Variants in ANKRD45 observed in about 807,000 individuals in gnomAD.
ANKRD45 encodes ankyrin repeat domain-containing protein 45.
ANKRD45 carries 21 observed loss-of-function variants against 28.1 expected under a neutral mutation model. The ratio of observed to expected loss-of-function variants is 0.75; its 90% confidence interval spans 0.53 to 1.08. The LOEUF is 1.08. Ranked by LOEUF, ANKRD45 falls within the 50% of genes least tolerant of loss-of-function variation. The pLI, the probability that ANKRD45 is intolerant of heterozygous loss-of-function variation, is 0.00. For synonymous variants in ANKRD45, 86 were observed against 103.9 expected, an observed-to-expected ratio of 0.83 and a Z score of 1.05; for missense variants, 261 against 308.7, an observed-to-expected ratio of 0.85 and a Z score of 1.16.
the ANKRD45 span, among the ~76,000 whole-genome samples, chr1:173,685,600 T>G: frequency 3.7e-4 from 57 of 152,186 alleles, 1 homozygote; most frequent in Admixed American, 2.0e-4. Context: ...GTATCCTAAT[T>G]GCCAAAGTTT....
intron 5 of ANKRD45, among the ~76,000 whole-genome samples, chr1:173,618,108 T>C (rs1011395651): frequency 2.0e-5 from 3 of 151,770 alleles, no homozygotes; most frequent in African/African-American, 7.3e-5. Context: ...AGCAGCAGCA[T>C]CAACAAAAAA....
At chr1:173,698,448 G>T in the ANKRD45 span, among the ~76,000 whole-genome samples, 5 of 152,116 alleles carry the variant, frequency 3.3e-5, no homozygotes, top group Non-Finnish European at 7.3e-5. Context: ...AAATGTAAAA[G>T]AACACAAATC....
intron 3 of ANKRD45, among the ~76,000 whole-genome samples, chr1:173,643,807 T>C (rs909003447): frequency 4.6e-5 from 7 of 152,154 alleles, no homozygotes; most frequent in African/African-American, 1.7e-4. Flanking sequence ...AAAAAACTTT[T>C]CAAAAATAAT....
chr1:173,626,282 T>C (rs530606102), intron 4 of ANKRD45, among the ~76,000 whole-genome samples: 1 of 152,282 alleles, frequency 6.6e-6, no homozygotes, highest in African/African-American at 2.4e-5. Context: ...CCAAAACACA[T>C]TTCTGATACC....
At chr1:173,616,840 T>C (rs934305677) in intron 5 of ANKRD45, among the ~76,000 whole-genome samples, 8 of 152,112 alleles carry the variant, frequency 5.3e-5, no homozygotes, top group Non-Finnish European at 8.8e-5. Context: ...GGTTCTTCCA[T>C]TGGGACTGAC....
chr1:173,647,695 G>A (rs542455740), intron 2 of ANKRD45, among the ~76,000 whole-genome samples: 112 of 152,232 alleles, frequency 7.4e-4, no homozygotes, highest in African/African-American at 2.6e-3. Flanking sequence ...TCACTTTATT[G>A]CACAGAGGGA....
At chr1:173,657,293 C>A in intron 2 of ANKRD45, 1 of 314,282 alleles carries the variant, frequency 3.2e-6, no homozygotes, top group Non-Finnish European at 6.5e-6. Context: ...GTGGCAAAAC[C>A]CCCTCTCCAC....
chr1:173,704,561 C>T, the ANKRD45 span, among the ~76,000 whole-genome samples: 9 of 152,232 alleles, frequency 5.9e-5, no homozygotes, highest in African/African-American at 1.4e-4. Flanking sequence ...ATCTGATCCA[C>T]TGAACCTACT....
At chr1:173,672,839 T>C (rs1274152326), upstream of ANKRD45, among the ~76,000 whole-genome samples, 1 of 152,112 alleles carries the variant, frequency 6.6e-6, no homozygotes, top group African/African-American at 2.4e-5. Flanking sequence ...GCCACTGGAT[T>C]TGAAGGGGCC....
intron 5 of ANKRD45, among the ~76,000 whole-genome samples, chr1:173,611,952 C>A (rs1273938503): frequency 6.6e-6 from 1 of 152,140 alleles, no homozygotes; most frequent in African/African-American, 2.4e-5. Context: ...ATCCAATCTA[C>A]AGGTGGCAAG....
intron 5 of ANKRD45, among the ~76,000 whole-genome samples, chr1:173,613,538 G>A (rs1476537572): frequency 2.8e-5 from 4 of 144,910 alleles, no homozygotes; most frequent in Admixed American, 6.7e-5. Context: ...CAGCCGCCCC[G>A]TCCGGGAGGG....
intron 3 of ANKRD45, among the ~76,000 whole-genome samples, chr1:173,627,658 G>A (rs1667995948): frequency 6.6e-6 from 1 of 152,136 alleles, no homozygotes. Flanking sequence ...ACAGGCTAAA[G>A]TGCTATGGGG....
chr1:173,688,454 A>C, the ANKRD45 span, among the ~76,000 whole-genome samples: 1,042 of 27,320 alleles, frequency 0.038, no homozygotes, highest in Admixed American at 0.072. Flanking sequence ...CTCTTCCTCT[A>C]CCTCTTCCTC....
At chr1:173,620,715 C>T (rs186029410) in intron 5 of ANKRD45, among the ~76,000 whole-genome samples, 79 of 151,532 alleles carry the variant, frequency 5.2e-4, no homozygotes, top group Admixed American at 4.5e-3. Context: ...GCACATTGTG[C>T]ACATGTACCC....
chr1:173,617,168 C>G (rs1667497304), intron 5 of ANKRD45, among the ~76,000 whole-genome samples: 1 of 152,074 alleles, frequency 6.6e-6, no homozygotes, highest in South Asian at 2.1e-4. Flanking sequence ...CACAGAGACC[C>G]AGGAGTTTTA....
chr1:173,692,262 C>T, the ANKRD45 span, among the ~76,000 whole-genome samples: 1 of 152,114 alleles, frequency 6.6e-6, no homozygotes, highest in African/African-American at 2.4e-5. Context: ...GGTCAGAGCA[C>T]AGTTTGGTTT....
In ANKRD45 at chr1:173,659,123, T is replaced by C; in HGVS notation, c.296A>G (p.Tyr99Cys). The C allele has an allele frequency of 6.2e-7, 1 of 1,614,074 alleles. No individual in the cohort carries two copies. Among genetic ancestry groups the C allele is most frequent in the Non-Finnish European group, 8.5e-7 (1 of 1,179,980 alleles). ...QSDVIRALAK[Y>C]GVNLNEKTTR... ...GGTTTTTTCATTCAGATTCACACCA[T>C]ATTTTGCCAAAGCTCTAATCACGTC... Residue 99 changes from tyrosine to cysteine, a missense_variant, in exon 2 of 6, where the codon TAT (tyrosine) becomes TGT (cysteine). Physicochemically the swap from Tyr to Cys is radical, Grantham distance 194 (BLOSUM62 -2). Coordinates refer to ENST00000333279, the MANE Select transcript of ANKRD45 (RefSeq NM_198493.3).
intron 2 of ANKRD45, among the ~76,000 whole-genome samples, chr1:173,653,001 G>A (rs945024572): frequency 6.6e-6 from 1 of 151,660 alleles, no homozygotes; most frequent in Non-Finnish European, 1.5e-5. Context: ...TTCTTTATTA[G>A]TCTTGTTAGC....
chr1:173,619,130 G>T (rs968700366), intron 5 of ANKRD45, among the ~76,000 whole-genome samples: 1 of 152,216 alleles, frequency 6.6e-6, no homozygotes, highest in Non-Finnish European at 1.5e-5. Context: ...AGGAGCTCCT[G>T]AAGGGAGCAC....
Sources: allele counts gnomAD v4.1 joint callset (sites outside exome capture counted in the v4.1 genomes callset), GRCh38; gene constraint gnomAD v4.1.1; transcripts MANE v1.5; gene names NCBI Gene and HGNC (gene_info 2026-07-23, HGNC 2026-07-21).